Variants in ADGRL3 observed in about 807,000 individuals in gnomAD.
ADGRL3 encodes adhesion G protein-coupled receptor L3, also known as calcium-independent alpha-latrotoxin receptor 3.
In ADGRL3, 62 loss-of-function variants were observed where a neutral mutation model predicts 153.5. The ratio of observed to expected loss-of-function variants is 0.40; its 90% CI spans 0.33 to 0.50. The LOEUF is 0.50. Ranked by LOEUF, ADGRL3 falls within the 20% of genes least tolerant of loss-of-function variation. ADGRL3 has a pLI of 0.47. For synonymous variants in ADGRL3, 710 were observed against 672.5 expected (o/e 1.06, Z -0.86); for missense variants, 1,641 against 1,859.4 (o/e 0.88, Z 2.16).
intron 9 of ADGRL3, among the ~76,000 whole-genome samples, chr4:61,890,399 A>G (rs1205469521): frequency 6.6e-6 from 1 of 152,184 alleles, no homozygotes; most frequent in Non-Finnish European, 1.5e-5. Context: ...ATTTATAAAA[A>G]CAGAATAGTT....
intron 17 of ADGRL3, among the ~76,000 whole-genome samples, chr4:61,969,870 A>G (rs1024429531): frequency 6.6e-6 from 1 of 152,170 alleles, no homozygotes; most frequent in Non-Finnish European, 1.5e-5. Flanking sequence ...ATACTGTGGC[A>G]TGCAGCCTCC....
intron 3 of ADGRL3, among the ~76,000 whole-genome samples, chr4:61,507,263 G>A (rs2098436645): frequency 6.6e-6 from 1 of 152,094 alleles, no homozygotes; most frequent in Non-Finnish European, 1.5e-5. Flanking sequence ...TCCCTCCAGG[G>A]AACACTACAC....
At chr4:61,506,972 A>C (rs1187732584) in intron 3 of ADGRL3, among the ~76,000 whole-genome samples, 1 of 152,190 alleles carries the variant, frequency 6.6e-6, no homozygotes, top group Non-Finnish European at 1.5e-5. Context: ...AAAAGAACAA[A>C]TAGTCTACTT....
intron 1 of ADGRL3, among the ~76,000 whole-genome samples, chr4:61,257,972 G>C (rs1317853775): frequency 6.6e-6 from 1 of 152,118 alleles, no homozygotes; most frequent in Non-Finnish European, 1.5e-5. Context: ...AGAGTCAGAA[G>C]TGGTGTCTGA....
intron 8 of ADGRL3, among the ~76,000 whole-genome samples, chr4:61,749,014 G>GA (rs1445583512): frequency 2.6e-5 from 4 of 151,264 alleles, no homozygotes; most frequent in East Asian, 1.9e-4. Flanking sequence ...AAATTTACAA[G>GA]AAAAAACAAA....
chr4:61,328,891 A>G (rs1046071769), intron 1 of ADGRL3, among the ~76,000 whole-genome samples: 19 of 152,096 alleles, frequency 1.2e-4, no homozygotes, highest in Non-Finnish European at 2.5e-4. Flanking sequence ...TCTCCATTCA[A>G]TAGTGTGCAG....
At chr4:61,537,894 T>C (rs2098666704) in intron 4 of ADGRL3, among the ~76,000 whole-genome samples, 1 of 152,200 alleles carries the variant, frequency 6.6e-6, no homozygotes, top group Admixed American at 6.5e-5. Flanking sequence ...TTCTTTGTAC[T>C]GCTTTTCAAC....
At chr4:61,695,249 A>G (rs1465026535) in intron 6 of ADGRL3, among the ~76,000 whole-genome samples, 2 of 152,184 alleles carry the variant, frequency 1.3e-5, no homozygotes, top group African/African-American at 4.8e-5. Context: ...AGCTTTACAA[A>G]AATGTATTTT....
intron 1 of ADGRL3, among the ~76,000 whole-genome samples, chr4:61,280,371 T>G (rs2093674022): frequency 6.6e-6 from 1 of 151,974 alleles, no homozygotes; most frequent in African/African-American, 2.4e-5. Flanking sequence ...CCTCCCAAAG[T>G]GCTGGGATTT....
intron 5 of ADGRL3, among the ~76,000 whole-genome samples, chr4:61,647,358 G>A (rs1225476066): frequency 6.6e-6 from 1 of 152,038 alleles, no homozygotes; most frequent in Non-Finnish European, 1.5e-5. Flanking sequence ...TGAATTTACA[G>A]ACGAAAAAAT....
In ADGRL3 at chr4:62,070,874, C is replaced by T. The variant is rs371975916; in HGVS notation, c.4598C>T (p.Ser1533Leu). ...NKDGTPPEGSSKGPAHLVTSL is the reference protein window; with the variant it reads ...NKDGTPPEGSLKGPAHLVTSL ...GATGGGACCCCTCCCGAGGGAAGTT[C>T]AAAAGGACCGGCTCATTTGGTCACT... is the stretch of plus-strand genomic sequence containing the variant. The change falls in exon 27 of 27, where the codon TCA becomes TTA. Residue 1533 changes from serine to leucine, a missense_variant. Physicochemically the swap from Ser to Leu is moderately radical, Grantham distance 145 (BLOSUM62 -2). This residue lies in a region of ADGRL3 where 517 missense variants were observed against 555.0 expected (regional missense o/e 0.93). Coordinates refer to ENST00000683033, the MANE Select transcript of ADGRL3 (RefSeq NM_001387552.1). 6.4e-7 allele frequency: 1 copy of T among 1,550,916 alleles called. No homozygotes were observed. The highest frequency in any genetic ancestry group is 1.4e-5 in the African/African-American group (1 of 73,016).
chr4:61,636,079 T>G (rs1313579101), intron 5 of ADGRL3, among the ~76,000 whole-genome samples: 1 of 152,086 alleles, frequency 6.6e-6, no homozygotes, highest in African/African-American at 2.4e-5. Flanking sequence ...GGGGATACAA[T>G]TCACCTCCTA....
intron 8 of ADGRL3, among the ~76,000 whole-genome samples, chr4:61,776,273 C>G (rs1055186842): frequency 8.5e-5 from 13 of 152,136 alleles, no homozygotes; most frequent in African/African-American, 2.9e-4. Context: ...AGAGGCCTCA[C>G]GCGCCGAAAA....
At chr4:61,339,422 T>C (rs2095756123) in intron 1 of ADGRL3, among the ~76,000 whole-genome samples, 1 of 152,156 alleles carries the variant, frequency 6.6e-6, no homozygotes, top group Admixed American at 6.6e-5. Flanking sequence ...TAAATATCCA[T>C]GTCCACCGTC....
intron 21 of ADGRL3, among the ~76,000 whole-genome samples, chr4:62,008,472 C>T (rs1003826736): frequency 4.6e-5 from 7 of 152,026 alleles, no homozygotes; most frequent in African/African-American, 1.7e-4. Context: ...TGACTGAGAC[C>T]GGCTAACCTA....
intron 1 of ADGRL3, among the ~76,000 whole-genome samples, chr4:61,287,509 T>C (rs971292847): frequency 2.6e-5 from 4 of 152,160 alleles, no homozygotes; most frequent in South Asian, 4.1e-4. Context: ...TTTATACTAT[T>C]GGAAAACAAT....
chr4:61,253,635 G>A (rs1215187865), intron 1 of ADGRL3, among the ~76,000 whole-genome samples: 1 of 151,858 alleles, frequency 6.6e-6, no homozygotes, highest in African/African-American at 2.4e-5. Context: ...AGAGCCTAGA[G>A]AGCTGACATG....
At chr4:61,723,857 C>T (rs1286119891) in intron 6 of ADGRL3, among the ~76,000 whole-genome samples, 2 of 152,030 alleles carry the variant, frequency 1.3e-5, no homozygotes, top group South Asian at 2.1e-4. Context: ...GACTCCTTAC[C>T]CTTTCTCCAT....
intron 2 of ADGRL3, among the ~76,000 whole-genome samples, chr4:61,403,721 T>C (rs1247420403): frequency 6.6e-6 from 1 of 151,788 alleles, no homozygotes; most frequent in Non-Finnish European, 1.5e-5. Context: ...TTGAAACGGG[T>C]GTTTGAAGTT....
Sources: gnomAD v4.1 joint callset for allele counts (sites outside exome capture counted in the v4.1 genomes callset) on GRCh38, gnomAD v4.1.1 for gene constraint, gnomAD v4.1.1 regional missense constraint, MANE v1.5 for transcripts, NCBI Gene and HGNC (gene_info 2026-07-23, HGNC 2026-07-21) for gene names.